Variants in OGFOD3 observed in about 807,000 individuals in gnomAD.
The protein encoded by OGFOD3 is 2-oxoglutarate and iron dependent oxygenase domain containing 3, also known as 2-oxoglutarate and iron-dependent oxygenase domain-containing protein 3.
OGFOD3 carries 35 observed loss-of-function variants against 39.8 expected under a neutral mutation model. That is an observed-to-expected ratio of 0.88 (90% confidence interval 0.67 to 1.17). The LOEUF is 1.17. Among genes scored for constraint, OGFOD3 ranks in the 50% most tolerant of loss-of-function variants. The probability of loss-of-function intolerance (pLI) is 0.00; values close to 1 mark genes in which losing one functional copy is unlikely to be tolerated. For missense variants in OGFOD3, 438 were observed against 454.5 expected, an observed-to-expected ratio of 0.96 and a Z score of 0.33; for synonymous variants, 200 against 192.0, an observed-to-expected ratio of 1.04 and a Z score of -0.34.
Position 82,418,406 on chromosome 17 carries a change from CG to C in OGFOD3, c.74+5del. On this transcript the variant is annotated splice_donor_5th_base_variant and intron_variant, in intron 1 of 8. Coordinates refer to ENST00000313056, the MANE Select transcript of OGFOD3 (RefSeq NM_024648.3). ...CAGCGCGCGCCCTTCCCCTCCTCAC[CG>C]CTACCTGCTCCGGTTCCGGCGCTCG... 1 of 1,477,996 alleles carries C rather than the reference CG, an allele frequency of 6.8e-7. No homozygotes were observed. Among genetic ancestry groups the C allele is most frequent in the Admixed American group, 2.2e-5 (1 of 44,604 alleles). 91.6% of individuals were successfully genotyped at this position (1,477,996 alleles called of 1,614,324 possible). A position where few individuals can be genotyped will look rare whatever the true frequency, so the allele number is the denominator to read the frequency against.
In OGFOD3 at chr17:82,392,906, T is replaced by G. The variant is rs369496094; in HGVS notation, c.824-372A>C. On this transcript the variant is annotated intron_variant, in intron 8 of 8. Transcript: ENST00000313056. This position sits in a 1 kb window ranked among gnomAD's most constrained non-coding sequence, Gnocchi z 4.2. Reference sequence around the variant, plus strand: ...CATGGGCCTTCCAGATCTGACACTTTAGGATCTTATTTCTAATCACAGGTT... The same window carrying G: ...CATGGGCCTTCCAGATCTGACACTTGAGGATCTTATTTCTAATCACAGGTT... 5.1e-6 allele frequency: 1 copy of G among 198,012 alleles called. No individual in the cohort carries two copies. The highest frequency in any genetic ancestry group is 2.3e-5 in the African/African-American group (1 of 43,066). 12.3% of individuals were successfully genotyped at this position (198,012 alleles called of 1,614,324 possible). A position where few individuals can be genotyped will look rare whatever the true frequency, so the allele number is the denominator to read the frequency against.
chr17:82,403,343 T>C (rs2052796104), intron 7 of OGFOD3, among the ~76,000 whole-genome samples: 1 of 151,874 alleles, frequency 6.6e-6, no homozygotes, highest in Non-Finnish European at 1.5e-5. Context: ...ATCTAAATGC[T>C]TACACCCACC....
At chr17:82,398,341 G>A in intron 7 of OGFOD3, 22 bp from the exon 8 acceptor site, 1 of 1,613,822 alleles carries the variant, frequency 6.2e-7, no homozygotes. Context: ...GCCGGGAGGA[G>A]GGGGCAGAAT....
Position 82,418,395 on chromosome 17 carries a change from C to T in OGFOD3, c.74+17G>A, listed in dbSNP as rs2053124930. ...GTCCGCCGCCGCAGCGCGCGCCCTTCCCCTCCTCACCGCTACCTGCTCCGG... is the reference window on the plus strand; with the variant it reads ...GTCCGCCGCCGCAGCGCGCGCCCTTTCCCTCCTCACCGCTACCTGCTCCGG... On this transcript the variant is annotated intron_variant, in intron 1 of 8. Transcript: ENST00000313056. 2 of 1,471,700 alleles carry T rather than the reference C, an allele frequency of 1.4e-6. No homozygotes were observed. Among genetic ancestry groups the T allele is most frequent in the Non-Finnish European group, 9.0e-7 (1 of 1,114,808 alleles). The allele number at this position is 1,471,700 out of a possible 1,614,324, so 91.2% of individuals were successfully genotyped here. A position where few individuals can be genotyped will look rare whatever the true frequency, so the allele number is the denominator to read the frequency against.
rs1012175354 is a variant in OGFOD3 at position 82,415,682 on chromosome 17, C to A, written c.75-55G>T. 2 of 1,464,780 alleles carry A rather than the reference C, an allele frequency of 1.4e-6. No homozygotes were observed. The highest frequency in any genetic ancestry group is 2.1e-5 in the Admixed American group (1 of 48,170). The allele number at this position is 1,464,780 out of a possible 1,614,324, so 90.7% of individuals were successfully genotyped here. ...AAACACGGAGTGAGGCCAGAGAAAA[C>A]GCTCCCCGATCATCAAAGTGCATGC... On this transcript the variant is annotated intron_variant, in intron 1 of 8. Coordinates refer to ENST00000313056, the MANE Select transcript of OGFOD3 (RefSeq NM_024648.3). The surrounding 1 kb of genome is among the most constrained non-coding windows in gnomAD (Gnocchi z 5.3).
chr17:82,392,217 G>A lies in OGFOD3; in HGVS notation c.*181C>T. 1.4e-6 allele frequency: 1 copy of A among 721,588 alleles called. No homozygotes were observed. The highest frequency in any genetic ancestry group is 2.2e-6 in the Non-Finnish European group (1 of 447,594). 44.7% of individuals were successfully genotyped at this position (721,588 alleles called of 1,614,324 possible). A position where few individuals can be genotyped will look rare whatever the true frequency, so the allele number is the denominator to read the frequency against. The stretch of plus-strand genomic sequence containing the variant: ...CCCAAGCACACATGATGCTGGAGAA[G>A]TGAAAAGCTGGTTCCCTTCATTTAC... On this transcript the variant is annotated 3_prime_UTR_variant, in exon 9 of 9. Transcript: ENST00000313056. The surrounding 1 kb of genome is among the most constrained non-coding windows in gnomAD (Gnocchi z 4.2).
chr17:82,415,604 C>G lies in OGFOD3; in HGVS notation c.98G>C (p.Arg33Pro), dbSNP rs527862857. Residue 33 changes from arginine to proline, a missense_variant, in exon 2 of 9, where the codon CGG (arginine) becomes CCG (proline). Physicochemically the swap from Arg to Pro is moderately radical, Grantham distance 103. Transcript: ENST00000313056. This position sits in a 1 kb window ranked among gnomAD's most constrained non-coding sequence, Gnocchi z 5.3. ...CCTCTGCCACAGCCTCTGCACCTCC[C>G]GCGGGGCTCGGTCCTTCTTGGTGCT... The part of the protein sequence containing the change: ...RSSTKKDRAP[R>P]EVQRLWQRPW... 1.2e-6 allele frequency: 2 copies of G among 1,612,594 alleles called. No homozygotes were observed. Among genetic ancestry groups the G allele is most frequent in the Non-Finnish European group, 1.7e-6 (2 of 1,179,290 alleles).
chr17:82,394,366 A>G (rs772706018), intron 8 of OGFOD3: 7 of 1,579,860 alleles, frequency 4.4e-6, no homozygotes, highest in Non-Finnish European at 6.0e-6. Flanking sequence ...ACGGCAACCA[A>G]GGAATCAACA....
chr17:82,415,162 TCTC>T lies in OGFOD3; in HGVS notation c.304+233_304+235del, dbSNP rs1289372623. On this transcript the variant is annotated intron_variant, in intron 2 of 8. Coordinates refer to ENST00000313056, the MANE Select transcript of OGFOD3 (RefSeq NM_024648.3). This position sits in a 1 kb window ranked among gnomAD's most constrained non-coding sequence, Gnocchi z 5.3. Reference sequence around the variant, plus strand: ...ATCCCTATCTTTCCAAGGCAAACCATCTCCTCCGCTGGACCGCACAGCTTACTA... The same window carrying T: ...ATCCCTATCTTTCCAAGGCAAACCATCTCCGCTGGACCGCACAGCTTACTA... 6.6e-6 allele frequency among the ~76,000 whole-genome samples: 1 copy of T among 152,058 alleles called. No individual in the cohort carries two copies. Among genetic ancestry groups the T allele is most frequent in the East Asian group, 1.9e-4 (1 of 5,178 alleles).
chr17:82,411,938 ACCACCAGGGAGGAAAACCCTCCTGAGG>A (rs2052951052), intron 2 of OGFOD3, among the ~76,000 whole-genome samples: 2 of 152,050 alleles, frequency 1.3e-5, no homozygotes, highest in Admixed American at 6.6e-5. Context: ...CCCTCCTGAG[ACCACCAGGGAGGAAAACCCTCCTGAGG>A]CCACCAGAGG....
intron 1 of OGFOD3, among the ~76,000 whole-genome samples, chr17:82,416,219 A>C (rs992968858): frequency 2.0e-5 from 3 of 152,232 alleles, no homozygotes; most frequent in Admixed American, 1.3e-4. Context: ...CTGGGCAACA[A>C]GAGCAAAACT....
intron 8 of OGFOD3, chr17:82,396,896 G>T (rs143234244): frequency 1.3e-5 from 2 of 152,242 alleles, no homozygotes; most frequent in Non-Finnish European, 2.9e-5. Context: ...CAGGCCAAAC[G>T]CCCCCAATCC....
At chr17:82,397,128 C>T (rs956377743) in intron 8 of OGFOD3, among the ~76,000 whole-genome samples, 4 of 152,014 alleles carry the variant, frequency 2.6e-5, no homozygotes, top group Non-Finnish European at 4.4e-5. Context: ...AAACTGAAGT[C>T]GTAAACTAAC....
chr17:82,415,763 G>A lies in OGFOD3; in HGVS notation c.75-136C>T, dbSNP rs898422305. The A allele has an allele frequency of 1.6e-4, 117 of 722,294 alleles. No homozygotes were observed. The African/African-American group carries it at 1.7e-3, about 10-fold the overall frequency. 44.7% of individuals were successfully genotyped at this position (722,294 alleles called of 1,614,324 possible). A position where few individuals can be genotyped will look rare whatever the true frequency, so the allele number is the denominator to read the frequency against. Reference sequence around the variant, plus strand: ...CCCTGAAACGAGGGCTTCCTGCCTGGGGCCAGCGCTGTCCACTCAGGAAAC... The same window carrying A: ...CCCTGAAACGAGGGCTTCCTGCCTGAGGCCAGCGCTGTCCACTCAGGAAAC... On this transcript the variant is annotated intron_variant, in intron 1 of 8. Transcript: ENST00000313056. The surrounding 1 kb of genome is among the most constrained non-coding windows in gnomAD (Gnocchi z 5.3).
chr17:82,417,000 C>G (rs1308816733), intron 1 of OGFOD3, among the ~76,000 whole-genome samples: 2 of 152,132 alleles, frequency 1.3e-5, no homozygotes, highest in Non-Finnish European at 2.9e-5. Flanking sequence ...TCTATATTAA[C>G]CATTCAGTGC....
chr17:82,400,550 G>A (rs1002440658), intron 7 of OGFOD3, among the ~76,000 whole-genome samples: 2 of 152,120 alleles, frequency 1.3e-5, no homozygotes, highest in African/African-American at 4.8e-5. Flanking sequence ...TTATGCATTC[G>A]TTTTTATACA....
rs760997297 is a variant in OGFOD3 at position 82,398,272 on chromosome 17, G to T, written c.747C>A (p.Asn249Lys). The change falls in exon 8 of 9, where the codon AAC becomes AAA. Residue 249 changes from asparagine (N) to lysine (K), a missense_variant. Coordinates refer to ENST00000313056, the MANE Select transcript of OGFOD3 (RefSeq NM_024648.3). ...FDYTSLLYLSNYLEDFGGGRF... is the reference protein window; with the variant it reads ...FDYTSLLYLSKYLEDFGGGRF... The stretch of plus-strand genomic sequence containing the variant: ...GCCCTCCGCCGAAGTCCTCCAGGTA[G>T]TTGGAGAGGTACAGCAGCGAGGTGT... 1 of 1,614,210 alleles carries T rather than the reference G, an allele frequency of 6.2e-7. No individual in the cohort carries two copies.
At chr17:82,408,338 C>T (rs540653683) in intron 4 of OGFOD3, among the ~76,000 whole-genome samples, 3 of 152,262 alleles carry the variant, frequency 2.0e-5, no homozygotes, top group Admixed American at 2.0e-4. Context: ...ACCAAATAAA[C>T]AGAGAGAAAC....
rs796179629 is a variant in OGFOD3 at position 82,415,900 on chromosome 17, G to GAA, written c.75-275_75-274dup. The stretch of plus-strand genomic sequence containing the variant: ...AGAGACTCATGGGTTTTAAGCAAAA[G>GAA]AAAAAAAAAAAAAAAGCCAGACATG... On this transcript the variant is annotated intron_variant, in intron 1 of 8. Coordinates refer to ENST00000313056, the MANE Select transcript of OGFOD3 (RefSeq NM_024648.3). This position sits in a 1 kb window ranked among gnomAD's most constrained non-coding sequence, Gnocchi z 5.3. Among the ~76,000 whole-genome samples, 13 of 104,258 alleles carry GAA rather than the reference G, an allele frequency of 1.2e-4. No homozygotes were observed. Among genetic ancestry groups the GAA allele is most frequent in the East Asian group, 5.6e-4 (2 of 3,548 alleles). 68.4% of individuals were successfully genotyped at this position (104,258 alleles called of 152,430 possible).
Sources: allele counts gnomAD v4.1 joint callset (sites outside exome capture counted in the v4.1 genomes callset), GRCh38; gene constraint gnomAD v4.1.1; non-coding constraint Gnocchi (gnomAD v3.1); transcripts MANE v1.5; gene names NCBI Gene and HGNC (gene_info 2026-07-23, HGNC 2026-07-21).